The following DCC variants were observed in gnomAD, a reference collection of about 807,000 sequenced individuals.
The protein encoded by DCC is DCC netrin 1 receptor, also known as netrin receptor DCC.
Under a neutral mutation model 172.5 loss-of-function variants are expected in DCC, and 58 were observed. The observed-to-expected ratio is 0.34, with a 90% CI of 0.27 to 0.42. The LOEUF is 0.42. Among genes scored for constraint, DCC ranks in the 10% least tolerant of loss-of-function variants. DCC has a pLI of 1.00. For synonymous variants in DCC, 709 were observed against 644.5 expected (o/e 1.10, Z -1.52); for missense variants, 1,740 against 1,791.0 (o/e 0.97, Z 0.51).
At chr18:52,420,357 T>G (rs1343254283) in intron 1 of DCC, among the ~76,000 whole-genome samples, 2 of 152,170 alleles carry the variant, frequency 1.3e-5, no homozygotes, top group African/African-American at 2.4e-5. Flanking sequence ...AGAGGCACAG[T>G]GCCAGGCAAG....
chr18:53,419,874 C>G (rs28503625), intron 21 of DCC, among the ~76,000 whole-genome samples: 70,221 of 151,216 alleles, frequency 0.46, 17,315 homozygotes, highest in Non-Finnish European at 0.56. Flanking sequence ...AATTTTTTGA[C>G]ACAGAATCTC....
At chr18:52,908,665 C>T (rs913609329) in intron 3 of DCC, among the ~76,000 whole-genome samples, 1 of 152,122 alleles carries the variant, frequency 6.6e-6, no homozygotes, top group African/African-American at 2.4e-5. Context: ...TGTTTCTTCA[C>T]CTTGCAACAG....
intron 2 of DCC, among the ~76,000 whole-genome samples, chr18:52,841,357 A>C (rs967948566): frequency 6.6e-6 from 1 of 152,130 alleles, no homozygotes; most frequent in African/African-American, 2.4e-5. Flanking sequence ...ACCAGTTACA[A>C]GGCTATTTTA....
rs183064874 is a variant in DCC, at chr18:53,487,870, G to T, written c.3898+912G>T. 1.4e-3 allele frequency among the ~76,000 whole-genome samples: 216 copies of T among 152,210 alleles called. 2 individuals are homozygous for T. The highest frequency in any genetic ancestry group is 9.9e-3 in the Admixed American group (152 of 15,286). ...TCGAGGAAAAATAGTTGCCCAAACT[G>T]CATTGAAGGGAATTAAATAGGAAAG... On this transcript the variant is annotated intron_variant, in intron 26 of 28. Transcript: ENST00000442544.
intron 15 of DCC, among the ~76,000 whole-genome samples, chr18:53,375,355 T>C (rs949627549): frequency 6.6e-6 from 1 of 152,158 alleles, no homozygotes; most frequent in Non-Finnish European, 1.5e-5. Context: ...AAGAGAAGGC[T>C]ACCAGAAAGT....
chr18:52,866,668 C>T (rs2039233636), intron 2 of DCC, among the ~76,000 whole-genome samples: 2 of 152,156 alleles, frequency 1.3e-5, no homozygotes, highest in South Asian at 4.1e-4. Context: ...AGAGTTCACT[C>T]ATGATTTGGC....
intron 1 of DCC, among the ~76,000 whole-genome samples, chr18:52,736,802 A>G (rs2036737141): frequency 6.6e-6 from 1 of 152,182 alleles, no homozygotes. Flanking sequence ...GTATTAGGAG[A>G]GAACCCACAA....
At chr18:52,354,462 T>C (rs1245681577) in intron 1 of DCC, among the ~76,000 whole-genome samples, 3 of 152,184 alleles carry the variant, frequency 2.0e-5, no homozygotes, top group Admixed American at 6.5e-5. Context: ...CCTCTAATCT[T>C]GTGGCAAAGT....
At chr18:53,409,459 A>C (rs963251071) in intron 19 of DCC, among the ~76,000 whole-genome samples, 1 of 152,202 alleles carries the variant, frequency 6.6e-6, no homozygotes, top group Admixed American at 6.5e-5. Context: ...ATAGCATTGA[A>C]GAATTGTGGC....
At chr18:52,969,017 C>CAACAAA (rs1555689404) in intron 5 of DCC, among the ~76,000 whole-genome samples, 7 of 150,434 alleles carry the variant, frequency 4.7e-5, no homozygotes, top group African/African-American at 1.7e-4. Context: ...ACAACAACAA[C>CAACAAA]AAAAAAAAAC....
At chr18:52,853,042 TTATAA>T (rs2039001250) in intron 2 of DCC, among the ~76,000 whole-genome samples, 2 of 152,192 alleles carry the variant, frequency 1.3e-5, no homozygotes, top group Non-Finnish European at 2.9e-5. Context: ...TTTCCTCATT[TTATAA>T]TATAATTTAG....
At chr18:52,396,522 G>A (rs570614537) in intron 1 of DCC, among the ~76,000 whole-genome samples, 2 of 151,876 alleles carry the variant, frequency 1.3e-5, no homozygotes, top group South Asian at 4.1e-4. Context: ...CCTGAAAGTC[G>A]CCCTGTGATT....
intron 28 of DCC, among the ~76,000 whole-genome samples, chr18:53,529,777 C>T (rs569565790): frequency 2.0e-5 from 3 of 152,138 alleles, no homozygotes; most frequent in African/African-American, 2.4e-5. Context: ...CTAAGCCTAG[C>T]GACCTGGTAT....
At chr18:53,006,051 T>G (rs1344195651) in intron 5 of DCC, among the ~76,000 whole-genome samples, 1 of 152,216 alleles carries the variant, frequency 6.6e-6, no homozygotes, top group African/African-American at 2.4e-5. Flanking sequence ...ATAGGATTAT[T>G]TCTGTGGTTG....
At chr18:52,773,485 C>T (rs1325680624) in intron 2 of DCC, among the ~76,000 whole-genome samples, 1 of 145,026 alleles carries the variant, frequency 6.9e-6, no homozygotes, top group Admixed American at 6.9e-5. Context: ...AATTAACCCC[C>T]CCAAATATAT....
At chr18:52,447,924 C>T (rs933315835) in intron 1 of DCC, among the ~76,000 whole-genome samples, 1 of 152,176 alleles carries the variant, frequency 6.6e-6, no homozygotes, top group East Asian at 1.9e-4. Flanking sequence ...CCACCTCCAA[C>T]ACTGGGGATT....
At chr18:53,091,586 A>G (rs1442121006) in intron 7 of DCC, among the ~76,000 whole-genome samples, 1 of 151,506 alleles carries the variant, frequency 6.6e-6, no homozygotes, top group Non-Finnish European at 1.5e-5. Context: ...TGGGCTGCAG[A>G]CTGATGGCTT....
At chr18:53,083,742 T>G (rs981008176) in intron 7 of DCC, among the ~76,000 whole-genome samples, 1 of 152,150 alleles carries the variant, frequency 6.6e-6, no homozygotes, top group East Asian at 1.9e-4. Context: ...TGATTAAAAT[T>G]TGGGGGTTGT....
At chr18:52,642,560 G>T (rs150197970) in intron 1 of DCC, among the ~76,000 whole-genome samples, 219 of 152,048 alleles carry the variant, frequency 1.4e-3, no homozygotes, top group African/African-American at 5.1e-3. Context: ...AAAACAATAT[G>T]CTGTGTACAA....
Sources: allele counts gnomAD v4.1 joint callset (sites outside exome capture counted in the v4.1 genomes callset), GRCh38; gene constraint gnomAD v4.1.1; transcripts MANE v1.5; gene names NCBI Gene and HGNC (gene_info 2026-07-23, HGNC 2026-07-21).